FGD4: variants seen among roughly 807,000 people sequenced by gnomAD.
FGD4 encodes the protein FYVE, RhoGEF and PH domain-containing protein 4.
A neutral mutation model predicts 102.0 loss-of-function variants in FGD4; 42 were observed. That is an observed-to-expected ratio of 0.41 (90% CI 0.32 to 0.53). The LOEUF is 0.53. FGD4 is among the 20% of genes least tolerant of loss of function. The pLI is 0.21. For missense variants in FGD4, 902 were observed against 1,078.2 expected (o/e 0.84, Z 2.29); for synonymous variants, 380 against 375.7 (o/e 1.01, Z -0.13).
At chr12:32,439,542 C>G (rs1266524040) in intron 1 of FGD4, among the ~76,000 whole-genome samples, 3 of 152,182 alleles carry the variant, frequency 2.0e-5, no homozygotes, top group Non-Finnish European at 2.9e-5. Context: ...AACCTTCATA[C>G]TGTTTCCCAT....
intron 4 of FGD4, among the ~76,000 whole-genome samples, chr12:32,589,626 T>G (rs1947314138): frequency 6.6e-6 from 1 of 152,224 alleles, no homozygotes; most frequent in South Asian, 2.1e-4. Flanking sequence ...ACATAGATTA[T>G]AAGAAGACCA....
chr12:32,628,021 C>G (rs1950281159), intron 14 of FGD4, among the ~76,000 whole-genome samples: 1 of 152,058 alleles, frequency 6.6e-6, no homozygotes, highest in Non-Finnish European at 1.5e-5. Context: ...TATGGTTCAC[C>G]CTCTGATGGT....
chr12:32,594,235 C>G (rs534409042), intron 4 of FGD4, among the ~76,000 whole-genome samples: 1 of 152,138 alleles, frequency 6.6e-6, no homozygotes, highest in Non-Finnish European at 1.5e-5. Flanking sequence ...CCATCACTCA[C>G]GTTACCATCT....
intron 4 of FGD4, among the ~76,000 whole-genome samples, chr12:32,596,321 T>C (rs117244875): frequency 2.4e-4 from 37 of 152,224 alleles, no homozygotes; most frequent in Non-Finnish European, 5.0e-4. Context: ...AGAGCTACAA[T>C]AGCAAGAGCA....
intron 2 of FGD4, among the ~76,000 whole-genome samples, chr12:32,565,505 T>C (rs1177029476): frequency 6.6e-6 from 1 of 152,206 alleles, no homozygotes; most frequent in Non-Finnish European, 1.5e-5. Context: ...TAGACCCGAG[T>C]TGACAAAGAT....
intron 1 of FGD4, among the ~76,000 whole-genome samples, chr12:32,541,925 A>G (rs1274445858): frequency 6.6e-6 from 1 of 151,616 alleles, no homozygotes; most frequent in African/African-American, 2.4e-5. Flanking sequence ...CCTTTCAACC[A>G]CTAGTTTTAG....
chr12:32,466,736 C>T (rs1333111570), intron 1 of FGD4, among the ~76,000 whole-genome samples: 7 of 151,636 alleles, frequency 4.6e-5, no homozygotes, highest in South Asian at 2.1e-4. Flanking sequence ...GGCGTGGTGG[C>T]GCATGCTTGT....
At chr12:32,602,509 C>T (rs1948492295) in intron 7 of FGD4, among the ~76,000 whole-genome samples, 192 bp downstream of exon 7, 1 of 152,214 alleles carries the variant, frequency 6.6e-6, no homozygotes, top group Non-Finnish European at 1.5e-5. Flanking sequence ...TAAGCAATAA[C>T]TTCTCCATTT....
rs1300275689 is a variant in FGD4 at position 32,641,446 on chromosome 12, A to G, written c.*913A>G. ...TCTTAGAAGGTGCTATTAATATAAG[A>G]TGAGGGTTCAGTTAATGCTTCAGTC... On this transcript the variant is annotated 3_prime_UTR_variant, in exon 17 of 17. Coordinates refer to ENST00000534526, the MANE Select transcript of FGD4 (RefSeq NM_001370298.3). 4 of 152,292 alleles carry G rather than the reference A, an allele frequency of 2.6e-5. No homozygotes were observed. The highest frequency in any genetic ancestry group is 7.2e-5 in the African/African-American group (3 of 41,576). 9.4% of individuals were successfully genotyped at this position (152,292 alleles called of 1,614,324 possible). A position where few individuals can be genotyped will look rare whatever the true frequency, so the allele number is the denominator to read the frequency against.
intron 4 of FGD4, 108 bp downstream of exon 4, chr12:32,582,575 C>A: frequency 7.0e-7 from 1 of 1,433,440 alleles, no homozygotes; most frequent in Non-Finnish European, 9.5e-7. Context: ...AGATCACCCA[C>A]ACTGGCAGTT....
intron 3 of FGD4, among the ~76,000 whole-genome samples, chr12:32,580,620 G>A (rs545723215): frequency 2.0e-5 from 3 of 152,296 alleles, no homozygotes; most frequent in Non-Finnish European, 4.4e-5. Flanking sequence ...GGGCGCGGTG[G>A]CTCATGCCTA....
At chr12:32,483,125 T>C (rs760758653) in intron 1 of FGD4, among the ~76,000 whole-genome samples, 2 of 151,990 alleles carry the variant, frequency 1.3e-5, no homozygotes, top group Non-Finnish European at 2.9e-5. Context: ...ATAATTTTTG[T>C]GTGTGTGTGT....
chr12:32,545,973 AT>A (rs1196970825), intron 1 of FGD4, among the ~76,000 whole-genome samples: 2 of 152,224 alleles, frequency 1.3e-5, no homozygotes, highest in Non-Finnish European at 2.9e-5. Context: ...CCTGGAACAG[AT>A]TCTAAGAATT....
At chr12:32,428,397 C>T (rs1001848272) in intron 1 of FGD4, among the ~76,000 whole-genome samples, 3 of 152,168 alleles carry the variant, frequency 2.0e-5, no homozygotes, top group Non-Finnish European at 4.4e-5. Context: ...GGTCCCCACT[C>T]TTCTTCTGGC....
At position 32,590,243 on chromosome 12, in the gene FGD4, G is replaced by T. The variant is rs914906571; in HGVS notation, c.1011+7776G>T. On this transcript the variant is annotated intron_variant, in intron 4 of 16. Coordinates refer to ENST00000534526, the MANE Select transcript of FGD4 (RefSeq NM_001370298.3). ...GAGAATCACTTGAACCCGAGAGGCA[G>T]AGTTTGCAGTGAGCCGAGATCGCGC... Among the ~76,000 whole-genome samples the T allele has an allele frequency of 2.7e-5, 4 of 148,752 alleles. No individual in the cohort carries two copies. The Admixed American group carries it at 2.7e-4, about 10-fold the overall frequency.
rs1555214709 is a variant in FGD4, at chr12:32,600,592, C to CTTTCT, written c.1102-683_1102-682insCTTTT. Reference sequence around the variant, plus strand: ...TTTTTCTTTCTTTCTTTCTTTCTTTCTTTTTTTTTTTTTTGTCTTCAAGGT... The same window carrying CTTTCT: ...TTTTTCTTTCTTTCTTTCTTTCTTTCTTTCTTTTTTTTTTTTTTTGTCTTCAAGGT... On this transcript the variant is annotated intron_variant, in intron 5 of 16. Transcript: ENST00000534526. The CTTTCT allele has an allele frequency of 4.1e-4, 83 of 200,812 alleles. No individual in the cohort carries two copies. In the East Asian group the frequency reaches 4.6e-3, roughly 11 times the overall value. The allele number at this position is 200,812 out of a possible 1,614,324, so 12.4% of individuals were successfully genotyped here.
intron 1 of FGD4, among the ~76,000 whole-genome samples, chr12:32,498,524 A>G (rs753549914): frequency 9.2e-5 from 14 of 152,018 alleles, no homozygotes; most frequent in Non-Finnish European, 1.8e-4. Context: ...TAAAAATACT[A>G]TTTTTTCTTG....
intron 1 of FGD4, among the ~76,000 whole-genome samples, chr12:32,406,217 C>T (rs1940925993): frequency 1.3e-5 from 2 of 152,080 alleles, no homozygotes; most frequent in South Asian, 4.1e-4. Flanking sequence ...GTTGGGATTA[C>T]AGGCGTGAGC....
intron 1 of FGD4, among the ~76,000 whole-genome samples, chr12:32,473,877 G>A (rs537522578): frequency 6.2e-4 from 94 of 152,056 alleles, no homozygotes; most frequent in African/African-American, 1.8e-3. Flanking sequence ...AACGAGGTCA[G>A]GAGATCGAGA....
Sources: gnomAD v4.1 joint callset for allele counts (sites outside exome capture counted in the v4.1 genomes callset) on GRCh38, gnomAD v4.1.1 for gene constraint, MANE v1.5 for transcripts, NCBI Gene and HGNC (gene_info 2026-07-23, HGNC 2026-07-21) for gene names.